ESRRG: variants seen among roughly 807,000 people sequenced by gnomAD.
ESRRG encodes estrogen related receptor gamma.
A neutral mutation model predicts 44.0 loss-of-function variants in ESRRG; 13 were observed. The observed-to-expected ratio is 0.30, with a 90% confidence interval of 0.19 to 0.47. The LOEUF is 0.47. ESRRG is among the 20% of genes least tolerant of loss of function. The pLI, the probability that ESRRG is intolerant of heterozygous loss-of-function variation, is 1.00. For missense variants in ESRRG, 395 were observed against 580.6 expected (o/e 0.68, Z 3.29); for synonymous variants, 215 against 214.6 (o/e 1.00, Z -0.02).
intron 3 of ESRRG, among the ~76,000 whole-genome samples, chr1:216,581,377 TA>T (rs1278308651): frequency 6.6e-6 from 1 of 152,082 alleles, no homozygotes; most frequent in African/African-American, 2.4e-5. Context: ...CACACAGGGG[TA>T]CATACATAGA....
intron 2 of ESRRG, among the ~76,000 whole-genome samples, chr1:216,900,778 T>A (rs536348866): frequency 2.0e-5 from 3 of 152,274 alleles, no homozygotes; most frequent in Non-Finnish European, 4.4e-5. Flanking sequence ...CATAATACAT[T>A]TACTATATCT....
chr1:216,803,178 T>G (rs2094679325), intron 2 of ESRRG, among the ~76,000 whole-genome samples: 1 of 152,146 alleles, frequency 6.6e-6, no homozygotes, highest in Non-Finnish European at 1.5e-5. Flanking sequence ...GGGAACGGAA[T>G]GCTGGCACAC....
chr1:216,617,559 T>A (rs1427571631), intron 3 of ESRRG, among the ~76,000 whole-genome samples: 2 of 151,768 alleles, frequency 1.3e-5, no homozygotes, highest in African/African-American at 4.8e-5. Flanking sequence ...TGTAGTATCA[T>A]ACAGCAGAGT....
intron 1 of ESRRG, among the ~76,000 whole-genome samples, chr1:216,977,177 C>T (rs1343203849): frequency 6.6e-6 from 1 of 152,012 alleles, no homozygotes; most frequent in Non-Finnish European, 1.5e-5. Flanking sequence ...ATTTTTTTAG[C>T]ATAAATTTCC....
chr1:216,950,789 T>C (rs1244674463), intron 1 of ESRRG, among the ~76,000 whole-genome samples: 1 of 152,220 alleles, frequency 6.6e-6, no homozygotes, highest in Non-Finnish European at 1.5e-5. Context: ...GTATTCTTAG[T>C]TGTATCCCTG....
intron 2 of ESRRG, among the ~76,000 whole-genome samples, chr1:216,873,141 T>C (rs2096281355): frequency 6.6e-6 from 1 of 152,016 alleles, no homozygotes; most frequent in African/African-American, 2.4e-5. Context: ...TGGAAGTTTT[T>C]GATATGCTAA....
intron 3 of ESRRG, among the ~76,000 whole-genome samples, chr1:216,647,427 T>A (rs1383336577): frequency 6.6e-6 from 1 of 152,180 alleles, no homozygotes; most frequent in East Asian, 1.9e-4. Flanking sequence ...AAAGTTTTGT[T>A]GTAGTGTAGC....
intron 2 of ESRRG, among the ~76,000 whole-genome samples, chr1:216,667,156 A>C (rs2074116769): frequency 6.6e-6 from 1 of 152,184 alleles, no homozygotes; most frequent in Non-Finnish European, 1.5e-5. Context: ...CGAGGACACT[A>C]GCTCAGGAGA....
At chr1:216,552,741 G>A (rs2056685767) in intron 5 of ESRRG, among the ~76,000 whole-genome samples, 1 of 152,074 alleles carries the variant, frequency 6.6e-6, no homozygotes, top group African/African-American at 2.4e-5. Context: ...GGCCATTCCA[G>A]CTCTATCATC....
chr1:216,866,597 G>A (rs983322129), intron 2 of ESRRG, among the ~76,000 whole-genome samples: 1 of 150,196 alleles, frequency 6.7e-6, no homozygotes, highest in Non-Finnish European at 1.5e-5. Flanking sequence ...TTTGAGATAG[G>A]GTCTTACTCC....
intron 2 of ESRRG, among the ~76,000 whole-genome samples, chr1:216,866,561 C>A (rs1296927672): frequency 8.6e-6 from 1 of 115,688 alleles, no homozygotes; most frequent in African/African-American, 4.9e-5. Flanking sequence ...TTGTTTCTTT[C>A]TTTCTTTTTT....
chr1:216,545,539 A>G (rs1276593028), intron 5 of ESRRG, among the ~76,000 whole-genome samples: 1 of 152,118 alleles, frequency 6.6e-6, no homozygotes, highest in Non-Finnish European at 1.5e-5. Context: ...ATGTCTTCAA[A>G]TATACATAGC....
chr1:217,067,046 A>T (rs1447825741), intron 1 of ESRRG, among the ~76,000 whole-genome samples: 5 of 152,222 alleles, frequency 3.3e-5, no homozygotes, highest in Non-Finnish European at 7.3e-5. Flanking sequence ...CTAACAAGTT[A>T]CGGTGAGCAA....
intron 1 of ESRRG, among the ~76,000 whole-genome samples, chr1:217,099,889 G>A (rs918386834): frequency 6.6e-6 from 1 of 151,916 alleles, no homozygotes; most frequent in Non-Finnish European, 1.5e-5. Flanking sequence ...CAGTTGACCA[G>A]TTCCTCTCCA....
chr1:216,646,965 C>G (rs2150993830), intron 3 of ESRRG, among the ~76,000 whole-genome samples: 1 of 152,204 alleles, frequency 6.6e-6, no homozygotes, highest in Admixed American at 6.5e-5. Flanking sequence ...CAATAAACAT[C>G]AAGACACCCT....
In ESRRG at chr1:216,519,347, C is replaced by A. The variant is rs1064199; in HGVS notation, c.937G>T (p.Val313Phe). Residue 313 changes from valine (V) to phenylalanine (F), a missense_variant, in exon 6 of 7, where the codon GTC becomes TTC. This residue lies in a region of ESRRG where 167 missense variants were observed against 251.8 expected (regional missense o/e 0.66). Transcript: ENST00000408911. ...SAWMEILILG[V>F]VYRSLSFEDE... ...TCAAACGAAAGAGACCGGTATACGA[C>A]ACCAAGGATCAAAATTTCCATCCAA... 1 of 1,613,692 alleles carries A rather than the reference C, an allele frequency of 6.2e-7. No individual in the cohort carries two copies. Among genetic ancestry groups the A allele is most frequent in the South Asian group, 1.1e-5 (1 of 91,072 alleles).
At chr1:217,033,950 C>T (rs998244515) in intron 1 of ESRRG, among the ~76,000 whole-genome samples, 3 of 152,130 alleles carry the variant, frequency 2.0e-5, no homozygotes, top group Admixed American at 6.5e-5. Flanking sequence ...AGATTGGAGC[C>T]GAGGCCTCCA....
chr1:217,110,921 A>G (rs1467073362), intron 1 of ESRRG, among the ~76,000 whole-genome samples: 1 of 152,162 alleles, frequency 6.6e-6, no homozygotes, highest in East Asian at 1.9e-4. Flanking sequence ...AAGCCATTGC[A>G]TGTATCTGAC....
chr1:216,903,617 C>T (rs1036715366), intron 2 of ESRRG, among the ~76,000 whole-genome samples: 1 of 151,544 alleles, frequency 6.6e-6, no homozygotes, highest in African/African-American at 2.4e-5. Flanking sequence ...CCCTGCTGGC[C>T]TATATACTCA....
Sources: allele counts gnomAD v4.1 joint callset (sites outside exome capture counted in the v4.1 genomes callset), GRCh38; gene constraint gnomAD v4.1.1; regional missense constraint gnomAD v4.1.1; transcripts MANE v1.5; gene names NCBI Gene and HGNC (gene_info 2026-07-23, HGNC 2026-07-21).